The following TAB2 variants were observed in gnomAD, a reference collection of about 807,000 sequenced individuals.
TAB2 encodes the protein TGF-beta activated kinase 1 (MAP3K7) binding protein 2.
Under a neutral mutation model 65.0 loss-of-function variants are expected in TAB2, and 3 were observed. The ratio of observed to expected loss-of-function variants is 0.05; its 90% CI spans 0.02 to 0.12. TAB2 has a LOEUF of 0.12. Ranked by LOEUF, TAB2 falls within the 10% of genes least tolerant of loss-of-function variation. The probability of loss-of-function intolerance (pLI) is 1.00; values close to 1 mark genes in which losing one functional copy is unlikely to be tolerated. For synonymous variants in TAB2, 298 were observed against 285.1 expected (o/e 1.05, Z -0.46); for missense variants, 623 against 840.3 (o/e 0.74, Z 3.20).
intron 3 of TAB2, among the ~76,000 whole-genome samples, chr6:149,394,474 C>T (rs546685533): frequency 4.6e-5 from 7 of 152,078 alleles, no homozygotes; most frequent in African/African-American, 1.7e-4. Context: ...CATTTTTCTC[C>T]TGCTTGTATG....
Position 149,228,729 on chromosome 6 carries a change from C to A in TAB2, c.-121+9953C>A, listed in dbSNP as rs532139414. On this transcript the variant is annotated intron_variant, in intron 1 of 1. Transcript: ENST00000606202. Reference sequence around the variant, plus strand: ...TTAAAAGAGCCTTTGTCAAAGCTCTCTCTAAATCAACCCTTTAAATGTGTT... The same window carrying A: ...TTAAAAGAGCCTTTGTCAAAGCTCTATCTAAATCAACCCTTTAAATGTGTT... Among the ~76,000 whole-genome samples, 4 of 152,376 alleles carry A rather than the reference C, an allele frequency of 2.6e-5. No homozygotes were observed. In the South Asian group the frequency reaches 8.3e-4, roughly 32 times the overall value.
chr6:149,317,845 C>T lies in TAB2; in HGVS notation c.-260C>T. ...CGGCGGGCGAGCGGAGGGGGCTGAG[C>T]GGGGAGGGAGGGAGGGCTGAGGTGT... On this transcript the variant is annotated 5_prime_UTR_variant, in exon 1 of 7. Transcript: ENST00000637181. The surrounding 1 kb of genome is among the most constrained non-coding windows in gnomAD (Gnocchi z 4.7). The T allele has an allele frequency of 6.3e-6, 1 of 159,122 alleles. No homozygotes were observed. Among genetic ancestry groups the T allele is most frequent in the Non-Finnish European group, 1.4e-5 (1 of 73,440 alleles). 9.9% of individuals were successfully genotyped at this position (159,122 alleles called of 1,614,324 possible). A position where few individuals can be genotyped will look rare whatever the true frequency, so the allele number is the denominator to read the frequency against.
chr6:149,340,676 T>C (rs922039371), intron 1 of TAB2, among the ~76,000 whole-genome samples: 5 of 152,184 alleles, frequency 3.3e-5, no homozygotes, highest in Non-Finnish European at 2.9e-5. Context: ...CCTATTCATA[T>C]GAGTTACTGA....
chr6:149,338,793 A>G (rs1287148596), intron 1 of TAB2, among the ~76,000 whole-genome samples: 2 of 152,216 alleles, frequency 1.3e-5, no homozygotes, highest in African/African-American at 2.4e-5. Flanking sequence ...TTGTGATCCT[A>G]CTCATGGAAC....
chr6:149,386,126 C>T (rs549174311), intron 3 of TAB2, among the ~76,000 whole-genome samples: 3 of 152,232 alleles, frequency 2.0e-5, no homozygotes, highest in Non-Finnish European at 4.4e-5. Flanking sequence ...AGCAGGAACA[C>T]ACTATACACA....
chr6:149,257,199 A>G (rs1283092617), intron 1 of TAB2, among the ~76,000 whole-genome samples: 1 of 152,224 alleles, frequency 6.6e-6, no homozygotes, highest in Non-Finnish European at 1.5e-5. Context: ...CCCAGTAAGC[A>G]CGTCCACGGA....
At chr6:149,342,481 T>C (rs1780160692) in intron 1 of TAB2, among the ~76,000 whole-genome samples, 1 of 152,228 alleles carries the variant, frequency 6.6e-6, no homozygotes, top group Admixed American at 6.5e-5. Context: ...AGAATAGTGT[T>C]GGGTAGGTTA....
chr6:149,402,222 T>A (rs1782452741), intron 6 of TAB2, among the ~76,000 whole-genome samples: 2 of 149,278 alleles, frequency 1.3e-5, no homozygotes, highest in African/African-American at 4.9e-5. Context: ...GGAGACAAAA[T>A]CAGAAATGAA....
chr6:149,360,089 T>A (rs1189167455), intron 1 of TAB2, among the ~76,000 whole-genome samples: 1 of 152,182 alleles, frequency 6.6e-6, no homozygotes, highest in Non-Finnish European at 1.5e-5. Flanking sequence ...TTATTCAAAA[T>A]TTTTGTGCCA....
At chr6:149,339,300 C>T (rs532882966) in intron 1 of TAB2, among the ~76,000 whole-genome samples, 17 of 151,728 alleles carry the variant, frequency 1.1e-4, no homozygotes, top group African/African-American at 3.6e-4. Flanking sequence ...GTTGCAGAAG[C>T]GGAGGTTGCA....
intron 1 of TAB2, among the ~76,000 whole-genome samples, chr6:149,251,368 T>A (rs1387208252): frequency 3.9e-5 from 6 of 152,168 alleles, no homozygotes; most frequent in South Asian, 4.1e-4. Flanking sequence ...AAGGTGGTCA[T>A]CACCCCATAT....
intron 1 of TAB2, among the ~76,000 whole-genome samples, chr6:149,255,630 C>T (rs1778009834): frequency 6.6e-6 from 1 of 152,056 alleles, no homozygotes; most frequent in South Asian, 2.1e-4. Context: ...ATGCTAGTGT[C>T]TTTGATAAAT....
chr6:149,374,845 TCTA>T (rs759340961), intron 2 of TAB2, among the ~76,000 whole-genome samples: 2 of 152,132 alleles, frequency 1.3e-5, no homozygotes, highest in African/African-American at 2.4e-5. Context: ...TAGGGGAAAT[TCTA>T]CTACACAAAT....
chr6:149,316,746 G>C (rs1003392670), upstream of TAB2, among the ~76,000 whole-genome samples: 28 of 152,074 alleles, frequency 1.8e-4, no homozygotes, highest in Admixed American at 6.5e-5. Flanking sequence ...TTCTAGGAAC[G>C]TGCAATTAAA....
In TAB2 at chr6:149,368,645, TTGTGTGTG is replaced by T. The variant is rs3056968; in HGVS notation, c.-89-1236_-89-1229del. Among the ~76,000 whole-genome samples the T allele has an allele frequency of 3.6e-3, 537 of 147,586 alleles. 1 individual carries two copies. Among genetic ancestry groups the T allele is most frequent in the African/African-American group, 0.01 (411 of 40,218 alleles). On this transcript the variant is annotated intron_variant, in intron 1 of 6. Transcript: ENST00000637181. ...AAACACTACTTTTGAATGCGAAAATTTGTGTGTGTGTGTGTGTGTGTGTGTGTGTGTGT... is the reference window on the plus strand; with the variant it reads ...AAACACTACTTTTGAATGCGAAAATTTGTGTGTGTGTGTGTGTGTGTGTGT...
chr6:149,219,298 T>C (rs1777090146), intron 1 of TAB2, among the ~76,000 whole-genome samples: 1 of 142,810 alleles, frequency 7.0e-6, no homozygotes, highest in Non-Finnish European at 1.5e-5. Context: ...TGTTTCATAT[T>C]TTAACATTTG....
chr6:149,403,271 T>TACAC (rs367971627), intron 6 of TAB2, among the ~76,000 whole-genome samples: 8 of 95,418 alleles, frequency 8.4e-5, no homozygotes, highest in South Asian at 3.4e-4. Flanking sequence ...TATATATATA[T>TACAC]ATATATATAT....
chr6:149,251,598 G>A (rs187045505), intron 1 of TAB2, among the ~76,000 whole-genome samples: 18 of 152,198 alleles, frequency 1.2e-4, no homozygotes, highest in African/African-American at 3.6e-4. Context: ...TGTCAATTTC[G>A]GAAGTCTTTC....
intron 1 of TAB2, among the ~76,000 whole-genome samples, chr6:149,241,286 A>C (rs760984670): frequency 3.3e-5 from 5 of 152,200 alleles, no homozygotes; most frequent in Non-Finnish European, 5.9e-5. Flanking sequence ...TCAGTTTAAT[A>C]GTTACACTTG....
Sources: gnomAD v4.1 joint callset for allele counts (sites outside exome capture counted in the v4.1 genomes callset) on GRCh38, gnomAD v4.1.1 for gene constraint, Gnocchi (gnomAD v3.1) non-coding constraint, MANE v1.5 for transcripts, NCBI Gene and HGNC (gene_info 2026-07-23, HGNC 2026-07-21) for gene names.